Variants in CSRNP3 observed in about 807,000 individuals in gnomAD.
The protein encoded by CSRNP3 is cysteine and serine rich nuclear protein 3.
CSRNP3 carries 12 observed loss-of-function variants against 48.0 expected under a neutral mutation model. The observed-to-expected ratio is 0.25, with a 90% confidence interval of 0.16 to 0.41. The LOEUF (loss-of-function observed/expected upper bound fraction) is 0.41, where lower values mean the gene tolerates loss of function less well. Ranked by LOEUF, CSRNP3 falls within the 10% of genes least tolerant of loss-of-function variation. CSRNP3 has a pLI of 1.00. For missense variants in CSRNP3, 580 were observed against 724.4 expected (o/e 0.80, Z 2.29); for synonymous variants, 263 against 269.7 (o/e 0.98, Z 0.24).
chr2:165,544,538 A>G (rs1684998867), intron 3 of CSRNP3, among the ~76,000 whole-genome samples: 1 of 147,828 alleles, frequency 6.8e-6, no homozygotes, highest in Non-Finnish European at 1.5e-5. Context: ...AAGAGAAAAA[A>G]TGTAGGAGAT....
At chr2:165,663,353 C>T (rs1384077245) in intron 5 of CSRNP3, among the ~76,000 whole-genome samples, 1 of 152,168 alleles carries the variant, frequency 6.6e-6, no homozygotes, top group Admixed American at 6.6e-5. Context: ...AGAGATTATG[C>T]CACAGCATAC....
At chr2:165,604,169 A>G (rs763489463) in intron 4 of CSRNP3, among the ~76,000 whole-genome samples, 28 of 152,240 alleles carry the variant, frequency 1.8e-4, no homozygotes, top group Non-Finnish European at 3.8e-4. Flanking sequence ...CAGTTTCTGC[A>G]GAAACTCACG....
chr2:165,619,810 T>C (rs532394301), intron 4 of CSRNP3, among the ~76,000 whole-genome samples: 142 of 152,294 alleles, frequency 9.3e-4, no homozygotes, highest in African/African-American at 3.3e-3. Context: ...TTTCTAAACT[T>C]GAAATTCCAA....
At chr2:165,487,163 G>A (rs1684132231) in intron 1 of CSRNP3, among the ~76,000 whole-genome samples, 1 of 78,902 alleles carries the variant, frequency 1.3e-5, no homozygotes, top group Non-Finnish European at 2.4e-5. Flanking sequence ...AGCCTCAGGA[G>A]CCGATGCGAT....
At chr2:165,521,885 A>G (rs1684667971) in intron 3 of CSRNP3, among the ~76,000 whole-genome samples, 1 of 152,172 alleles carries the variant, frequency 6.6e-6, no homozygotes, top group Non-Finnish European at 1.5e-5. Context: ...TAGCCCAGAT[A>G]GAGAAGCGTT....
intron 3 of CSRNP3, chr2:165,574,421 A>G (rs1290937457): frequency 6.5e-7 from 1 of 1,548,218 alleles, no homozygotes; most frequent in Non-Finnish European, 8.7e-7. Flanking sequence ...GTCGTTATAT[A>G]GTGCACGCAG....
At chr2:165,492,602 T>A (rs2105458814) in intron 1 of CSRNP3, among the ~76,000 whole-genome samples, 1 of 152,050 alleles carries the variant, frequency 6.6e-6, no homozygotes, top group East Asian at 1.9e-4. Flanking sequence ...TATCACTTAA[T>A]GGCTTATTTT....
intron 1 of CSRNP3, among the ~76,000 whole-genome samples, chr2:165,470,654 T>G (rs530675874): frequency 7.0e-4 from 107 of 152,086 alleles, no homozygotes; most frequent in Middle Eastern, 3.4e-3. Flanking sequence ...AAGGGACAAG[T>G]TCTAAGTATG....
At chr2:165,551,186 T>C (rs147376407) in intron 3 of CSRNP3, among the ~76,000 whole-genome samples, 8 of 152,292 alleles carry the variant, frequency 5.3e-5, no homozygotes, top group Non-Finnish European at 1.2e-4. Context: ...CTCAAACTAA[T>C]ACCCCCAGTC....
chr2:165,609,699 C>G (rs1239862706), intron 4 of CSRNP3, among the ~76,000 whole-genome samples: 1 of 151,984 alleles, frequency 6.6e-6, no homozygotes. Context: ...GGAGGGACAT[C>G]GTACATTTTA....
chr2:165,640,807 G>T (rs1686710810), intron 4 of CSRNP3, among the ~76,000 whole-genome samples: 1 of 152,134 alleles, frequency 6.6e-6, no homozygotes, highest in Non-Finnish European at 1.5e-5. Context: ...TTCAAATCAG[G>T]CTTCTGTGTT....
At chr2:165,534,055 A>G (rs560383832) in intron 3 of CSRNP3, among the ~76,000 whole-genome samples, 3 of 152,196 alleles carry the variant, frequency 2.0e-5, no homozygotes, top group African/African-American at 4.8e-5. Flanking sequence ...GAAAGAAAAT[A>G]AGGTAAAAAT....
At chr2:165,644,083 C>A (rs1686772794) in intron 4 of CSRNP3, among the ~76,000 whole-genome samples, 1 of 152,138 alleles carries the variant, frequency 6.6e-6, no homozygotes, top group Admixed American at 6.5e-5. Flanking sequence ...ATTCAGGTAA[C>A]TCTTCCCCCA....
At chr2:165,477,668 CAA>C (rs34931649) in intron 1 of CSRNP3, among the ~76,000 whole-genome samples, 5 of 128,784 alleles carry the variant, frequency 3.9e-5, no homozygotes, top group Non-Finnish European at 5.0e-5. Flanking sequence ...GACTCCATCT[CAA>C]AAAAAAAAAA....
Position 165,588,957 on chromosome 2 carries a change from C to CTA in CSRNP3, c.-23-6086_-23-6085insTA, listed in dbSNP as rs111902981. ...AGACTAGGCGACAGAAACCCTGTCT[C>CTA]AAAACTAACAAATAAAAATAAATAA... On this transcript the variant is annotated intron_variant, in intron 3 of 6. Coordinates refer to ENST00000651982, the MANE Select transcript of CSRNP3 (RefSeq NM_001172173.2). Among the ~76,000 whole-genome samples the CTA allele has an allele frequency of 2.3e-3, 351 of 152,002 alleles. 1 individual carries two copies. The highest frequency in any genetic ancestry group is 8.1e-3 in the African/African-American group (334 of 41,466).
intron 3 of CSRNP3, among the ~76,000 whole-genome samples, chr2:165,527,250 T>C (rs1684744592): frequency 7.2e-6 from 1 of 138,802 alleles, no homozygotes; most frequent in African/African-American, 2.7e-5. Context: ...TCTGTTGCCC[T>C]GGCTGGAGTG....
intron 4 of CSRNP3, among the ~76,000 whole-genome samples, chr2:165,642,860 C>T (rs1467180056): frequency 1.3e-5 from 2 of 152,226 alleles, no homozygotes; most frequent in Non-Finnish European, 1.5e-5. Context: ...CCACGCCCAG[C>T]TTGCATATTC....
intron 4 of CSRNP3, among the ~76,000 whole-genome samples, chr2:165,641,494 G>A (rs1299694909): frequency 6.6e-6 from 1 of 152,122 alleles, no homozygotes; most frequent in Admixed American, 6.5e-5. Context: ...TTACTGAATC[G>A]TTAATCAAAG....
intron 3 of CSRNP3, among the ~76,000 whole-genome samples, chr2:165,581,236 T>C (rs949837959): frequency 6.6e-6 from 1 of 152,206 alleles, no homozygotes; most frequent in Non-Finnish European, 1.5e-5. Flanking sequence ...GGCCATCTTG[T>C]ATGAATACTA....
Sources: allele counts gnomAD v4.1 joint callset (sites outside exome capture counted in the v4.1 genomes callset), GRCh38; gene constraint gnomAD v4.1.1; transcripts MANE v1.5; gene names NCBI Gene and HGNC (gene_info 2026-07-23, HGNC 2026-07-21).